MYRFL: variants seen among roughly 807,000 people sequenced by gnomAD.
MYRFL encodes the protein myelin regulatory factor like.
Under a neutral mutation model 109.4 loss-of-function variants are expected in MYRFL, and 88 were observed. The ratio of observed to expected loss-of-function variants is 0.80; its 90% CI spans 0.68 to 0.96. MYRFL has a LOEUF of 0.96. MYRFL is among the 40% of genes least tolerant of loss of function. The pLI, the probability that MYRFL is intolerant of heterozygous loss-of-function variation, is 0.00. For synonymous variants in MYRFL, 324 were observed against 320.9 expected (o/e 1.01, Z -0.10); for missense variants, 957 against 954.9 (o/e 1.00, Z -0.03).
chr12:69,926,411 T>C (rs185136233), intron 13 of MYRFL, among the ~76,000 whole-genome samples, 160 bp from the exon 14 acceptor site: 1 of 152,308 alleles, frequency 6.6e-6, no homozygotes, highest in Admixed American at 6.5e-5. Flanking sequence ...CTGTGTTCAG[T>C]TTCAAACCTC....
Position 69,825,386 on chromosome 12 carries a change from C to T in MYRFL, c.-132C>T, listed in dbSNP as rs1425425545. On this transcript the variant is annotated 5_prime_UTR_variant, in exon 1 of 25. Coordinates refer to ENST00000552032, the MANE Select transcript of MYRFL (RefSeq NM_182530.3). ...GCACAATTTGATGGCTGAAGATATG[C>T]TTCACTCCAATAAAAAGAAAATGAA... The T allele has an allele frequency of 4.3e-6, 3 of 692,512 alleles. No homozygotes were observed. The African/African-American group carries it at 5.3e-5, about 12-fold the overall frequency. The allele number at this position is 692,512 out of a possible 1,614,324, so 42.9% of individuals were successfully genotyped here.
intron 15 of MYRFL, among the ~76,000 whole-genome samples, chr12:69,931,038 A>ATTAT (rs1382719660): frequency 6.6e-6 from 1 of 152,184 alleles, no homozygotes; most frequent in African/African-American, 2.4e-5. Flanking sequence ...GTAGGCAGGC[A>ATTAT]TTATTTTATT....
intron 21 of MYRFL, among the ~76,000 whole-genome samples, chr12:69,954,558 T>C (rs990782236): frequency 6.6e-6 from 1 of 152,218 alleles, no homozygotes. Flanking sequence ...CAGTGCAAAA[T>C]GCAAGATCTT....
intron 2 of MYRFL, among the ~76,000 whole-genome samples, chr12:69,862,692 C>T (rs1417199824): frequency 3.3e-5 from 5 of 151,992 alleles, no homozygotes; most frequent in Non-Finnish European, 7.4e-5. Context: ...ATGTCATCTG[C>T]AAACAGGGAC....
chr12:69,837,725 A>C (rs1048208101), intron 1 of MYRFL, among the ~76,000 whole-genome samples: 2 of 152,078 alleles, frequency 1.3e-5, no homozygotes, highest in Non-Finnish European at 2.9e-5. Flanking sequence ...TCTGGAGCAC[A>C]CTTCCCTGCC....
At chr12:69,948,781 G>T (rs1955900399) in intron 19 of MYRFL, among the ~76,000 whole-genome samples, 1 of 152,194 alleles carries the variant, frequency 6.6e-6, no homozygotes, top group South Asian at 2.1e-4. Context: ...AAAGCACCAT[G>T]TTGGGTTCAG....
intron 2 of MYRFL, among the ~76,000 whole-genome samples, chr12:69,869,355 A>G (rs956667756): frequency 5.9e-5 from 9 of 152,114 alleles, no homozygotes. Context: ...GGGGTGAGCA[A>G]TTCCCATCCC....
chr12:69,916,258 T>C (rs1476230108), intron 13 of MYRFL, among the ~76,000 whole-genome samples: 6 of 152,010 alleles, frequency 3.9e-5, no homozygotes, highest in Middle Eastern at 3.2e-3. Context: ...AGAAATACTA[T>C]GGGATGCATA....
intron 19 of MYRFL, among the ~76,000 whole-genome samples, chr12:69,944,052 G>A (rs1388690585): frequency 6.7e-6 from 1 of 150,336 alleles, no homozygotes; most frequent in Non-Finnish European, 1.5e-5. Flanking sequence ...TGGAGAGGAT[G>A]TGGAGAAATA....
At chr12:69,874,066 A>G (rs999364509) in intron 2 of MYRFL, among the ~76,000 whole-genome samples, 1 of 152,036 alleles carries the variant, frequency 6.6e-6, no homozygotes, top group African/African-American at 2.4e-5. Flanking sequence ...TTGATCTCCA[A>G]CTCCCATCCC....
intron 7 of MYRFL, among the ~76,000 whole-genome samples, chr12:69,891,664 T>C (rs1566002545): frequency 8.7e-6 from 1 of 115,494 alleles, no homozygotes; most frequent in African/African-American, 3.6e-5. Context: ...TTTCTTTCTT[T>C]CTTTCTTTCT....
At chr12:69,888,010 G>A (rs747251969) in intron 6 of MYRFL, among the ~76,000 whole-genome samples, 37 of 152,138 alleles carry the variant, frequency 2.4e-4, no homozygotes, top group Non-Finnish European at 4.1e-4. Context: ...ACTGTCACAC[G>A]CAGGCTCAAT....
chr12:69,850,930 C>G (rs550430121), intron 1 of MYRFL, among the ~76,000 whole-genome samples: 1 of 152,072 alleles, frequency 6.6e-6, no homozygotes, highest in South Asian at 2.1e-4. Context: ...TTGGAATTGT[C>G]TATCTGTTGC....
intron 19 of MYRFL, among the ~76,000 whole-genome samples, chr12:69,944,235 G>A (rs1175077224): frequency 4.0e-5 from 5 of 124,812 alleles, no homozygotes; most frequent in African/African-American, 6.3e-5. Context: ...ACATGCACAC[G>A]TATGTTTATT....
intron 17 of MYRFL, 44 bp downstream of exon 17, chr12:69,936,231 A>G: frequency 1.3e-6 from 2 of 1,535,346 alleles, no homozygotes; most frequent in Non-Finnish European, 1.7e-6. Context: ...TCCTTTGGAG[A>G]GAAGGATTTT....
intron 15 of MYRFL, among the ~76,000 whole-genome samples, chr12:69,929,780 CG>C (rs975244430): frequency 7.0e-4 from 106 of 152,044 alleles, no homozygotes; most frequent in African/African-American, 2.5e-3. Flanking sequence ...TGTGTGATCT[CG>C]AGTGAAACTT....
chr12:69,911,726 T>C (rs1954578243), intron 13 of MYRFL, among the ~76,000 whole-genome samples: 1 of 152,246 alleles, frequency 6.6e-6, no homozygotes, highest in Admixed American at 6.5e-5. Context: ...ACTCTGATGC[T>C]GATTTGTTTT....
intron 21 of MYRFL, among the ~76,000 whole-genome samples, chr12:69,953,857 A>G (rs1956040402): frequency 6.6e-6 from 1 of 152,060 alleles, no homozygotes; most frequent in Non-Finnish European, 1.5e-5. Context: ...CTCCTAGATT[A>G]AAGGCAAGGC....
chr12:69,944,045 A>T (rs1955752498), intron 19 of MYRFL, among the ~76,000 whole-genome samples: 1 of 150,310 alleles, frequency 6.7e-6, no homozygotes, highest in Non-Finnish European at 1.5e-5. Flanking sequence ...CAGGTGCTGG[A>T]GAGGATGTGG....
Sources: gnomAD v4.1 joint callset for allele counts (sites outside exome capture counted in the v4.1 genomes callset) on GRCh38, gnomAD v4.1.1 for gene constraint, MANE v1.5 for transcripts, NCBI Gene and HGNC (gene_info 2026-07-23, HGNC 2026-07-21) for gene names.